STAG1: variants seen among roughly 807,000 people sequenced by gnomAD.
STAG1 encodes STAG1 cohesin complex component, also known as cohesin subunit SA-1.
In STAG1, 26 loss-of-function variants were observed where a neutral mutation model predicts 170.9. The ratio of observed to expected loss-of-function variants is 0.15; its 90% CI spans 0.11 to 0.21. The LOEUF is 0.21. Ranked by LOEUF, STAG1 falls within the 10% of genes least tolerant of loss-of-function variation. The pLI, the probability that STAG1 is intolerant of heterozygous loss-of-function variation, is 1.00. For synonymous variants in STAG1, 514 were observed against 497.7 expected (o/e 1.03, Z -0.44); for missense variants, 964 against 1,509.5 (o/e 0.64, Z 5.99).
At chr3:136,458,047 G>C (rs2089167842) in intron 13 of STAG1, among the ~76,000 whole-genome samples, 1 of 152,200 alleles carries the variant, frequency 6.6e-6, no homozygotes, top group South Asian at 2.1e-4. Context: ...CAAAACATGG[G>C]AGGGGAGCAG....
At chr3:136,579,633 C>T (rs947727386) in intron 4 of STAG1, among the ~76,000 whole-genome samples, 2 of 152,208 alleles carry the variant, frequency 1.3e-5, no homozygotes, top group African/African-American at 4.8e-5. Context: ...TTTTATTCCA[C>T]AAAACATCAC....
At chr3:136,649,573 A>G (rs1941147089) in intron 1 of STAG1, among the ~76,000 whole-genome samples, 1 of 151,242 alleles carries the variant, frequency 6.6e-6, no homozygotes, top group South Asian at 2.1e-4. Context: ...AGCCAATGAA[A>G]TAAATACAGA....
At chr3:136,528,152 C>T (rs560082585) in intron 6 of STAG1, among the ~76,000 whole-genome samples, 9 of 152,278 alleles carry the variant, frequency 5.9e-5, no homozygotes, top group South Asian at 2.1e-4. Context: ...GTTTCTGCTG[C>T]GTTTTGTTCA....
intron 1 of STAG1, among the ~76,000 whole-genome samples, chr3:136,717,386 G>A (rs947737423): frequency 2.6e-5 from 4 of 152,154 alleles, no homozygotes; most frequent in Admixed American, 1.3e-4. Context: ...TATGGAGGTC[G>A]GGTGTGGTGG....
intron 3 of STAG1, among the ~76,000 whole-genome samples, chr3:136,607,308 G>A (rs1461953801): frequency 1.3e-5 from 2 of 152,134 alleles, no homozygotes; most frequent in Non-Finnish European, 2.9e-5. Flanking sequence ...TGGAAGATTT[G>A]TCTATTCTCA....
At chr3:136,413,463 A>T (rs920720121) in intron 21 of STAG1, among the ~76,000 whole-genome samples, 48 of 151,428 alleles carry the variant, frequency 3.2e-4, no homozygotes, top group African/African-American at 1.1e-3. Flanking sequence ...TATTATTATT[A>T]TTATTTTTTT....
At chr3:136,446,436 A>G (rs543679668) in intron 14 of STAG1, among the ~76,000 whole-genome samples, 106 of 151,018 alleles carry the variant, frequency 7.0e-4, no homozygotes, top group Non-Finnish European at 1.2e-3. Flanking sequence ...AAATTATTTT[A>G]TTTTTAGACA....
chr3:136,627,031 A>G (rs1940133501), intron 2 of STAG1, among the ~76,000 whole-genome samples: 1 of 152,244 alleles, frequency 6.6e-6, no homozygotes, highest in Non-Finnish European at 1.5e-5. Flanking sequence ...GGTTGGTTCT[A>G]GAATATAATT....
chr3:136,723,885 G>C (rs1250006160), intron 1 of STAG1, among the ~76,000 whole-genome samples: 1 of 146,502 alleles, frequency 6.8e-6, no homozygotes, highest in Non-Finnish European at 1.5e-5. Flanking sequence ...GGTGGTGGGG[G>C]AGTCAGCCCC....
At chr3:136,656,116 GA>G (rs1309339934) in intron 1 of STAG1, among the ~76,000 whole-genome samples, 3 of 151,400 alleles carry the variant, frequency 2.0e-5, no homozygotes, top group Non-Finnish European at 4.4e-5. Flanking sequence ...TGTTATGAAT[GA>G]AACTTGCTTT....
chr3:136,375,824 G>A lies in STAG1; in HGVS notation c.2370+1836C>T, dbSNP rs1488827744. On this transcript the variant is annotated intron_variant, in intron 23 of 33. Coordinates refer to ENST00000383202, the MANE Select transcript of STAG1 (RefSeq NM_005862.3). ...ATCTACTAAAAATACAAAAAAATTA[G>A]CCAGGCGTAGTGGTGGGCACCTGTA... 3.3e-5 allele frequency among the ~76,000 whole-genome samples: 5 copies of A among 151,576 alleles called. 1 individual carries two copies.
Position 136,341,554 on chromosome 3 carries a change from A to G in STAG1, c.3447-3T>C. On this transcript the variant is annotated splice_region_variant and splice_polypyrimidine_tract_variant and intron_variant, in intron 30 of 33. Transcript: ENST00000383202. Reference sequence around the variant, plus strand: ...ACCAAGAGATCTGCATCTGAGGACTAAGAGAGGGTACTATTATTAATTTTG... The same window carrying G: ...ACCAAGAGATCTGCATCTGAGGACTGAGAGAGGGTACTATTATTAATTTTG... The G allele has an allele frequency of 1.9e-6, 3 of 1,577,878 alleles. No homozygotes were observed. Among genetic ancestry groups the G allele is most frequent in the African/African-American group, 1.3e-5 (1 of 74,336 alleles).
At chr3:136,604,174 A>C (rs1938821827) in intron 4 of STAG1, 135 bp downstream of exon 4, 2 of 729,618 alleles carry the variant, frequency 2.7e-6, no homozygotes, top group Non-Finnish European at 4.1e-6. Flanking sequence ...GCAAAATAAT[A>C]ACCTTTCAGG....
At chr3:136,641,273 G>A (rs1940789875) in intron 1 of STAG1, among the ~76,000 whole-genome samples, 1 of 152,072 alleles carries the variant, frequency 6.6e-6, no homozygotes, top group Admixed American at 6.6e-5. Flanking sequence ...GAATACTAAT[G>A]GGCAAAAGTA....
intron 3 of STAG1, among the ~76,000 whole-genome samples, chr3:136,614,387 T>G (rs1939471180): frequency 1.3e-5 from 2 of 152,094 alleles, no homozygotes; most frequent in African/African-American, 4.8e-5. Flanking sequence ...ATACAGAAAT[T>G]AGAGTTCATT....
chr3:136,515,825 T>C lies in STAG1; in HGVS notation c.676+5388A>G, dbSNP rs146103456. On this transcript the variant is annotated intron_variant, in intron 7 of 33. Coordinates refer to ENST00000383202, the MANE Select transcript of STAG1 (RefSeq NM_005862.3). Reference sequence around the variant, plus strand: ...GGTAAAACTACATGATATAGTGGTATTTGCAGATTTCACCAACTATTGGGC... The same window carrying C: ...GGTAAAACTACATGATATAGTGGTACTTGCAGATTTCACCAACTATTGGGC... Among the ~76,000 whole-genome samples, 151 of 152,306 alleles carry C rather than the reference T, an allele frequency of 9.9e-4. 1 individual carries two copies. The highest frequency in any genetic ancestry group is 1.9e-3 in the Non-Finnish European group (126 of 68,028).
intron 14 of STAG1, among the ~76,000 whole-genome samples, chr3:136,449,366 G>A (rs938738891): frequency 6.6e-5 from 10 of 152,252 alleles, no homozygotes; most frequent in Admixed American, 2.6e-4. Flanking sequence ...TTCGAGACCA[G>A]CCAGACTAAC....
chr3:136,602,327 C>G (rs540760103), intron 4 of STAG1, among the ~76,000 whole-genome samples: 1 of 148,190 alleles, frequency 6.7e-6, no homozygotes. Flanking sequence ...TGCAGCGAGC[C>G]GGGATCACGC....
chr3:136,664,564 T>C (rs1394810794), intron 1 of STAG1, among the ~76,000 whole-genome samples: 1 of 152,204 alleles, frequency 6.6e-6, no homozygotes, highest in Non-Finnish European at 1.5e-5. Flanking sequence ...CAATGGAGCT[T>C]TTTTAGATGG....
Sources: gnomAD v4.1 joint callset for allele counts (sites outside exome capture counted in the v4.1 genomes callset) on GRCh38, gnomAD v4.1.1 for gene constraint, MANE v1.5 for transcripts, NCBI Gene and HGNC (gene_info 2026-07-23, HGNC 2026-07-21) for gene names.